FERMT2: variants seen among roughly 807,000 people sequenced by gnomAD.
The protein encoded by FERMT2 is FERM domain containing kindlin 2.
FERMT2 carries 15 observed loss-of-function variants against 82.7 expected under a neutral mutation model. The ratio of observed to expected loss-of-function variants is 0.18; its 90% CI spans 0.12 to 0.28. The LOEUF (loss-of-function observed/expected upper bound fraction) is 0.28, where lower values mean the gene tolerates loss of function less well. Among genes scored for constraint, FERMT2 ranks in the 10% least tolerant of loss-of-function variants. FERMT2 has a pLI of 1.00. For missense variants in FERMT2, 645 were observed against 809.4 expected (o/e 0.80, Z 2.46); for synonymous variants, 274 against 271.5 (o/e 1.01, Z -0.09).
chr14:52,916,789 G>GTA (rs1449991152), intron 3 of FERMT2, among the ~76,000 whole-genome samples: 1 of 152,164 alleles, frequency 6.6e-6, no homozygotes, highest in Non-Finnish European at 1.5e-5. Flanking sequence ...TGAGGACAGA[G>GTA]GGTATGTGGG....
At chr14:52,917,833 C>CA (rs1888701251) in intron 3 of FERMT2, among the ~76,000 whole-genome samples, 1 of 152,316 alleles carries the variant, frequency 6.6e-6, no homozygotes, top group East Asian at 1.9e-4. Flanking sequence ...TCCAAGCCTA[C>CA]AGGCATAAGC....
chr14:52,925,608 G>T (rs138710075), intron 2 of FERMT2, among the ~76,000 whole-genome samples: 13 of 151,044 alleles, frequency 8.6e-5, no homozygotes, highest in African/African-American at 3.2e-4. Context: ...GTGTATATAG[G>T]TGTGTGTGTG....
At chr14:52,905,739 G>A (rs1184551492) in intron 3 of FERMT2, among the ~76,000 whole-genome samples, 1 of 152,202 alleles carries the variant, frequency 6.6e-6, no homozygotes, top group African/African-American at 2.4e-5. Context: ...CCTGGAGGAA[G>A]GGCAGAAAGG....
At chr14:52,881,816 A>C in intron 4 of FERMT2, 2 of 1,299,646 alleles carry the variant, frequency 1.5e-6, no homozygotes, top group Non-Finnish European at 2.0e-6. Context: ...GCCAATGTAA[A>C]GAACATCAGT....
Position 52,950,734 on chromosome 14 carries a change from A to G in FERMT2, c.-9-157T>C, listed in dbSNP as rs1055709953. The G allele has an allele frequency of 2.4e-5, 16 of 656,678 alleles. No individual in the cohort carries two copies. In the South Asian group the frequency reaches 3.0e-4, roughly 12 times the overall value. 40.7% of individuals were successfully genotyped at this position (656,678 alleles called of 1,614,324 possible). ...GGGCGGCGGCGGCCGGGGCTGCGGGAGGACCCTACGCCCCGCTCGCCCCGC... is the reference window on the plus strand; with the variant it reads ...GGGCGGCGGCGGCCGGGGCTGCGGGGGGACCCTACGCCCCGCTCGCCCCGC... On this transcript the variant is annotated intron_variant, in intron 1 of 14. Coordinates refer to ENST00000341590, the MANE Select transcript of FERMT2 (RefSeq NM_006832.3).
At chr14:52,903,619 A>G (rs1411256944) in intron 3 of FERMT2, among the ~76,000 whole-genome samples, 1 of 152,190 alleles carries the variant, frequency 6.6e-6, no homozygotes, top group Non-Finnish European at 1.5e-5. Context: ...AAGCCAAAAG[A>G]TAATTTAACA....
intron 10 of FERMT2, 90 bp downstream of exon 10, chr14:52,872,709 A>G: frequency 7.0e-7 from 1 of 1,436,096 alleles, no homozygotes; most frequent in Non-Finnish European, 9.5e-7. Flanking sequence ...GATTTTTTTA[A>G]AAAACTTGTT....
rs1271659064 is a variant in FERMT2 at position 52,864,325 on chromosome 14, GA to G, written c.1602+75del. 2.8e-6 allele frequency: 3 copies of G among 1,065,780 alleles called. No homozygotes were observed. The African/African-American group carries it at 4.8e-5, about 17-fold the overall frequency. The allele number at this position is 1,065,780 out of a possible 1,614,324, so 66.0% of individuals were successfully genotyped here. A position where few individuals can be genotyped will look rare whatever the true frequency, so the allele number is the denominator to read the frequency against. ...ATTAAGACTAAAAAGTTTTGTTTAA[GA>G]GGGGAAAAACAAAGTTATGTACAAA... On this transcript the variant is annotated intron_variant, in intron 12 of 14. Coordinates refer to ENST00000341590, the MANE Select transcript of FERMT2 (RefSeq NM_006832.3).
chr14:52,860,631 T>C (rs1431621767), intron 12 of FERMT2, 166 bp from the exon 13 acceptor site: 1 of 623,168 alleles, frequency 1.6e-6, no homozygotes, highest in Non-Finnish European at 2.7e-6. Flanking sequence ...AATAATGTAA[T>C]GTATAAGGAT....
At chr14:52,898,229 G>C (rs934639819) in intron 3 of FERMT2, among the ~76,000 whole-genome samples, 2 of 152,078 alleles carry the variant, frequency 1.3e-5, no homozygotes, top group African/African-American at 4.8e-5. Context: ...ATCATGTTAA[G>C]TAAATACCTG....
chr14:52,917,558 G>T (rs752997756), intron 3 of FERMT2, among the ~76,000 whole-genome samples: 1 of 151,756 alleles, frequency 6.6e-6, no homozygotes. Flanking sequence ...AATTTCAAGG[G>T]CATTAGATCA....
intron 7 of FERMT2, among the ~76,000 whole-genome samples, chr14:52,876,602 T>C (rs1885969558): frequency 6.6e-6 from 1 of 152,214 alleles, no homozygotes; most frequent in Non-Finnish European, 1.5e-5. Context: ...ATATCTTAAA[T>C]TTCTTAATAC....
chr14:52,914,298 A>G (rs896360281), intron 3 of FERMT2, among the ~76,000 whole-genome samples: 2 of 151,998 alleles, frequency 1.3e-5, no homozygotes, highest in Non-Finnish European at 2.9e-5. Context: ...TGAGCCCAGG[A>G]GGTCAAGGAT....
intron 4 of FERMT2, among the ~76,000 whole-genome samples, chr14:52,889,997 T>C (rs1886843696): frequency 6.6e-6 from 1 of 150,780 alleles, no homozygotes; most frequent in South Asian, 2.1e-4. Context: ...AGTATGGTGG[T>C]GTGCGCCTAT....
At chr14:52,934,850 T>A (rs1333766452) in intron 2 of FERMT2, among the ~76,000 whole-genome samples, 1 of 152,230 alleles carries the variant, frequency 6.6e-6, no homozygotes, top group Non-Finnish European at 1.5e-5. Flanking sequence ...TAAAACATCA[T>A]GAGTTTCTCA....
chr14:52,934,731 C>G (rs117646236), intron 2 of FERMT2, among the ~76,000 whole-genome samples: 5,524 of 152,278 alleles, frequency 0.036, 167 homozygotes, highest in Non-Finnish European at 0.061. Context: ...TCTTCTTTAA[C>G]TCCATTTATA....
intron 6 of FERMT2, among the ~76,000 whole-genome samples, chr14:52,880,656 C>CA (rs1304925364): frequency 6.6e-6 from 1 of 152,114 alleles, no homozygotes; most frequent in African/African-American, 2.4e-5. Flanking sequence ...CTTGGGTTCT[C>CA]AAAGTGCTGA....
At chr14:52,935,600 C>T (rs1040403540) in intron 2 of FERMT2, among the ~76,000 whole-genome samples, 1 of 152,170 alleles carries the variant, frequency 6.6e-6, no homozygotes, top group Non-Finnish European at 1.5e-5. Flanking sequence ...ACCAACCATG[C>T]TGACATCCTG....
intron 2 of FERMT2, among the ~76,000 whole-genome samples, chr14:52,926,732 T>A (rs1242845050): frequency 2.6e-5 from 4 of 151,164 alleles, no homozygotes; most frequent in Non-Finnish European, 4.5e-5. Flanking sequence ...GGTAAAAAGC[T>A]GTACTATTAT....
Sources: allele counts gnomAD v4.1 joint callset (sites outside exome capture counted in the v4.1 genomes callset), GRCh38; gene constraint gnomAD v4.1.1; transcripts MANE v1.5; gene names NCBI Gene and HGNC (gene_info 2026-07-23, HGNC 2026-07-21).